PKP2: variants seen among roughly 807,000 people sequenced by gnomAD.
PKP2 encodes the protein plakophilin 2.
In PKP2, 73 loss-of-function variants were observed where a neutral mutation model predicts 83.4. That is an observed-to-expected ratio of 0.88 (90% CI 0.72 to 1.06). The LOEUF is 1.06. PKP2 is among the 50% of genes least tolerant of loss of function. The pLI is 0.00. For missense variants in PKP2, 966 were observed against 1,065.4 expected, an observed-to-expected ratio of 0.91 and a Z score of 1.30; for synonymous variants, 409 against 430.4, an observed-to-expected ratio of 0.95 and a Z score of 0.62.
At chr12:32,810,523 T>C (rs1322117914) in intron 9 of PKP2, among the ~76,000 whole-genome samples, 1 of 152,162 alleles carries the variant, frequency 6.6e-6, no homozygotes, top group African/African-American at 2.4e-5. Context: ...TTTTGAACAC[T>C]TTCTCACACC....
At chr12:32,862,795 G>A (rs180842952) in intron 4 of PKP2, among the ~76,000 whole-genome samples, 8 of 151,664 alleles carry the variant, frequency 5.3e-5, no homozygotes, top group East Asian at 2.0e-4. Flanking sequence ...GGTCAGGAGT[G>A]AAAGACCAGA....
chr12:32,821,199 A>G, intron 9 of PKP2, 157 bp downstream of exon 9: 3 of 691,304 alleles, frequency 4.3e-6, no homozygotes, highest in South Asian at 3.5e-5. Flanking sequence ...TTGACTTTGC[A>G]TAAGCTGAGA....
intron 1 of PKP2, among the ~76,000 whole-genome samples, chr12:32,887,579 G>T (rs530155722): frequency 6.6e-6 from 1 of 152,116 alleles, no homozygotes; most frequent in Admixed American, 6.5e-5. Flanking sequence ...TCAGCCTTCC[G>T]AGTAGCTGGA....
At chr12:32,816,206 T>C (rs1478241770) in intron 9 of PKP2, among the ~76,000 whole-genome samples, 1 of 151,832 alleles carries the variant, frequency 6.6e-6, no homozygotes, top group East Asian at 1.9e-4. Flanking sequence ...TAGTACATAA[T>C]AGTTAGTTTT....
chr12:32,843,064 C>G, intron 5 of PKP2: 1 of 358,304 alleles, frequency 2.8e-6, no homozygotes, highest in South Asian at 2.1e-5. Flanking sequence ...ACTGCAACTT[C>G]TGCCTCCCGG....
rs151167050 is a variant in PKP2 at position 32,796,650 on chromosome 12, C to T, written c.2168-352G>A. 2.2e-4 allele frequency among the ~76,000 whole-genome samples: 33 copies of T among 152,148 alleles called. No individual in the cohort carries two copies. The South Asian group carries it at 3.7e-3, about 17-fold the overall frequency. ...TCCTGACCTCGTGATCCGCCAGCCT[C>T]GGCCTCCCAAAGTGCTGGGATTACA... On this transcript the variant is annotated intron_variant, in intron 10 of 12. Transcript: ENST00000340811.
At chr12:32,828,526 C>T (rs778166279) in intron 6 of PKP2, among the ~76,000 whole-genome samples, 1 of 152,130 alleles carries the variant, frequency 6.6e-6, no homozygotes, top group Non-Finnish European at 1.5e-5. Flanking sequence ...GTAATTTTCA[C>T]AAAATTCCTG....
intron 3 of PKP2, among the ~76,000 whole-genome samples, chr12:32,876,217 G>T (rs1956931118): frequency 6.6e-6 from 1 of 152,166 alleles, no homozygotes; most frequent in South Asian, 2.1e-4. Flanking sequence ...GGATGTAGCA[G>T]ATAAGGCCAT....
chr12:32,843,894 A>C (rs987451033), intron 5 of PKP2, among the ~76,000 whole-genome samples: 5 of 152,230 alleles, frequency 3.3e-5, no homozygotes, highest in African/African-American at 1.2e-4. Context: ...AAGAAAAAAA[A>C]CAAAAGCTTC....
chr12:32,832,108 C>G (rs956947525), intron 6 of PKP2, among the ~76,000 whole-genome samples: 4 of 151,994 alleles, frequency 2.6e-5, no homozygotes, highest in Non-Finnish European at 4.4e-5. Context: ...GCTGGCCAGG[C>G]GGGGTGGCTC....
intron 1 of PKP2, among the ~76,000 whole-genome samples, chr12:32,886,859 C>T (rs994541306): frequency 2.0e-5 from 3 of 151,914 alleles, no homozygotes; most frequent in African/African-American, 7.3e-5. Context: ...ATTAGCTGGG[C>T]ATGGTGGCAT....
In PKP2 at chr12:32,868,897, G is replaced by A. The variant is rs548206363; in HGVS notation, c.1170+30C>T. 8.0e-5 allele frequency: 129 copies of A among 1,606,674 alleles called. No individual in the cohort carries two copies. The South Asian group carries it at 1.3e-3, about 16-fold the overall frequency. ...CATAATAGAAGTGAAAGTGTGTTGC[G>A]CTTTGCAATGGACTGAAGATGACAC... On this transcript the variant is annotated intron_variant, in intron 4 of 12. Coordinates refer to ENST00000340811, the MANE Select transcript of PKP2 (RefSeq NM_001005242.3).
chr12:32,821,233 G>T, intron 9 of PKP2, 123 bp downstream of exon 9: 2 of 920,910 alleles, frequency 2.2e-6, no homozygotes, highest in Non-Finnish European at 1.7e-6. Context: ...TAATTTCTGA[G>T]AATTGTCTTT....
intron 5 of PKP2, among the ~76,000 whole-genome samples, chr12:32,847,018 C>T (rs1956653065): frequency 6.6e-6 from 1 of 151,964 alleles, no homozygotes; most frequent in Non-Finnish European, 1.5e-5. Context: ...ATTATGCTTT[C>T]ACCTCTTACG....
At chr12:32,857,551 T>C (rs185551763) in intron 4 of PKP2, among the ~76,000 whole-genome samples, 406 of 152,314 alleles carry the variant, frequency 2.7e-3, no homozygotes, top group African/African-American at 9.4e-3. Flanking sequence ...AAAATTTTGA[T>C]CTCTATGTCC....
intron 6 of PKP2, among the ~76,000 whole-genome samples, chr12:32,840,786 G>A (rs1344536377): frequency 6.6e-6 from 1 of 152,112 alleles, no homozygotes; most frequent in African/African-American, 2.4e-5. Flanking sequence ...GGCCGGGCAC[G>A]GTGGCTCACG....
At chr12:32,821,658 G>T in intron 8 of PKP2, 129 bp from the exon 9 acceptor site, 2 of 848,172 alleles carry the variant, frequency 2.4e-6, no homozygotes, top group South Asian at 1.6e-5. Flanking sequence ...CCTTGAAATA[G>T]AAATTTTAAA....
At position 32,868,911 on chromosome 12, in the gene PKP2, T is replaced by G; in HGVS notation, c.1170+16A>C. 6.2e-7 allele frequency: 1 copy of G among 1,610,868 alleles called. No individual in the cohort carries two copies. The highest frequency in any genetic ancestry group is 8.5e-7 in the Non-Finnish European group (1 of 1,178,458). On this transcript the variant is annotated intron_variant, in intron 4 of 12. Coordinates refer to ENST00000340811, the MANE Select transcript of PKP2 (RefSeq NM_001005242.3). ...AAGTGTGTTGCGCTTTGCAATGGACTGAAGATGACACTCACCCTCTTCCGA... is the reference window on the plus strand; with the variant it reads ...AAGTGTGTTGCGCTTTGCAATGGACGGAAGATGACACTCACCCTCTTCCGA...
At chr12:32,812,983 G>A (rs1956290126) in intron 9 of PKP2, among the ~76,000 whole-genome samples, 1 of 152,138 alleles carries the variant, frequency 6.6e-6, no homozygotes, top group African/African-American at 2.4e-5. Context: ...GGCACAGTCG[G>A]TCTGAAGAAG....
Sources: allele counts gnomAD v4.1 joint callset (sites outside exome capture counted in the v4.1 genomes callset), GRCh38; gene constraint gnomAD v4.1.1; transcripts MANE v1.5; gene names NCBI Gene and HGNC (gene_info 2026-07-23, HGNC 2026-07-21).